PKHD1L1: variants seen among roughly 807,000 people sequenced by gnomAD.
PKHD1L1 encodes the protein PKHD1 like 1.
A neutral mutation model predicts 462.9 loss-of-function variants in PKHD1L1; 434 were observed. The observed-to-expected ratio is 0.94, with a 90% CI of 0.87 to 1.02. The LOEUF (loss-of-function observed/expected upper bound fraction) is 1.02. Among genes scored for constraint, PKHD1L1 ranks in the 50% least tolerant of loss-of-function variants. PKHD1L1 has a pLI of 0.00. For synonymous variants in PKHD1L1, 1,781 were observed against 1,750.0 expected (o/e 1.02, Z -0.44); for missense variants, 5,202 against 5,096.1 (o/e 1.02, Z -0.63).
rs1326016634 is a variant in PKHD1L1 at position 109,457,169 on chromosome 8, AC to A, written c.7004+779del. The stretch of plus-strand genomic sequence containing the variant: ...GGAAATGAACAGTGATTTATAAGAA[AC>A]AGCTAAATTGTGTTAAGGCCATGAT... On this transcript the variant is annotated intron_variant, in intron 46 of 77. Transcript: ENST00000378402. Among the ~76,000 whole-genome samples the A allele has an allele frequency of 5.9e-5, 9 of 152,278 alleles. No individual in the cohort carries two copies. The Middle Eastern group carries it at 0.017, about 288-fold the overall frequency.
intron 68 of PKHD1L1, among the ~76,000 whole-genome samples, chr8:109,506,026 T>TG (rs1300030168): frequency 1.3e-5 from 2 of 152,194 alleles, no homozygotes; most frequent in African/African-American, 2.4e-5. Context: ...ATTCAGTGTT[T>TG]GGGGGGTCAA....
intron 55 of PKHD1L1, 119 bp from the exon 56 acceptor site, chr8:109,481,314 A>G: frequency 1.1e-6 from 1 of 892,708 alleles, no homozygotes. Context: ...GCTGTTCTTT[A>G]TATAACAAAA....
intron 39 of PKHD1L1, 59 bp from the exon 40 acceptor site, chr8:109,449,279 A>T: frequency 6.8e-7 from 1 of 1,466,510 alleles, no homozygotes; most frequent in Non-Finnish European, 9.1e-7. Flanking sequence ...AAAAATATGT[A>T]CACAGAAGAA....
intron 76 of PKHD1L1, among the ~76,000 whole-genome samples, chr8:109,525,368 G>A (rs2131040921): frequency 6.6e-6 from 1 of 152,304 alleles, no homozygotes. Flanking sequence ...AGCGTCCTAT[G>A]TAATGTTTAG....
At chr8:109,437,001 T>C (rs1388161480) in intron 30 of PKHD1L1, among the ~76,000 whole-genome samples, 5 of 152,300 alleles carry the variant, frequency 3.3e-5, no homozygotes, top group Admixed American at 1.3e-4. Flanking sequence ...CTGCAACCTC[T>C]GCCTCCCGGG....
At chr8:109,390,030 A>G (rs1421981137) in intron 8 of PKHD1L1, among the ~76,000 whole-genome samples, 1 of 152,014 alleles carries the variant, frequency 6.6e-6, no homozygotes, top group Non-Finnish European at 1.5e-5. Context: ...GCTCTTGGCT[A>G]ATGTTTCCTT....
intron 23 of PKHD1L1, among the ~76,000 whole-genome samples, chr8:109,424,410 G>A (rs1814631299): frequency 6.6e-6 from 1 of 152,060 alleles, no homozygotes. Context: ...GAACATTCTT[G>A]CTTATGTCTT....
chr8:109,444,577 ATT>A (rs1816008282), intron 37 of PKHD1L1, 82 bp from the exon 38 acceptor site: 5 of 1,277,610 alleles, frequency 3.9e-6, no homozygotes, highest in Non-Finnish European at 5.4e-6. Flanking sequence ...AACTTTTAAA[ATT>A]TGTAGTTGTT....
chr8:109,375,685 G>T (rs1406394237), intron 2 of PKHD1L1, among the ~76,000 whole-genome samples: 1 of 152,068 alleles, frequency 6.6e-6, no homozygotes. Context: ...TTTTGGTGTG[G>T]ATGTCCTTTC....
intron 9 of PKHD1L1, among the ~76,000 whole-genome samples, chr8:109,393,210 C>A (rs1022647880): frequency 1.2e-4 from 18 of 151,412 alleles, no homozygotes; most frequent in Admixed American, 4.6e-4. Context: ...TTTCCAGAGA[C>A]TCTTTAGTCT....
intron 67 of PKHD1L1, among the ~76,000 whole-genome samples, chr8:109,500,564 C>T (rs1417868899): frequency 1.4e-5 from 2 of 142,100 alleles, no homozygotes; most frequent in Admixed American, 1.5e-4. Context: ...ATCCCAGCTA[C>T]TTGTAAGGCT....
Position 109,413,547 on chromosome 8 carries a change from T to C in PKHD1L1, c.2360+2T>C. 6.6e-7 allele frequency: 1 copy of C among 1,508,220 alleles called. No homozygotes were observed. The highest frequency in any genetic ancestry group is 8.9e-7 in the Non-Finnish European group (1 of 1,127,820). 93.4% of individuals were successfully genotyped at this position (1,508,220 alleles called of 1,614,324 possible). A position where few individuals can be genotyped will look rare whatever the true frequency, so the allele number is the denominator to read the frequency against. ...ATACAACTTTGCTTATGGAAACAAG[T>C]AAGTTACGCTATGAATTTGAAAATT... On this transcript the variant is annotated splice_donor_variant, in intron 21 of 77. Transcript: ENST00000378402. LOFTEE classifies it high-confidence loss of function.
At position 109,383,947 on chromosome 8, in the gene PKHD1L1, T is replaced by A. The variant is rs1312262196; in HGVS notation, c.418-123T>A. 1.0e-4 allele frequency: 75 copies of A among 732,456 alleles called. No homozygotes were observed. The South Asian group carries it at 1.2e-3, about 11-fold the overall frequency. 45.4% of individuals were successfully genotyped at this position (732,456 alleles called of 1,614,324 possible). ...AGGTTCATCTTATTTAAATATCTTC[T>A]TTCCTACATGACAGTTACATTATGA... On this transcript the variant is annotated intron_variant, in intron 4 of 77. Transcript: ENST00000378402.
intron 3 of PKHD1L1, among the ~76,000 whole-genome samples, chr8:109,382,122 A>G (rs7017016): frequency 0.55 from 83,954 of 151,860 alleles, 23,334 homozygotes; most frequent in South Asian, 0.65. Flanking sequence ...TTTTTAGGAA[A>G]CAAAGCATGG....
chr8:109,431,695 GAGT>G (rs1224620236), intron 27 of PKHD1L1, among the ~76,000 whole-genome samples: 1 of 152,128 alleles, frequency 6.6e-6, no homozygotes, highest in Non-Finnish European at 1.5e-5. Context: ...AGTATTTCAT[GAGT>G]ACACCAACTT....
intron 32 of PKHD1L1, among the ~76,000 whole-genome samples, 192 bp downstream of exon 32, chr8:109,439,284 A>G (rs796237713): frequency 2.0e-5 from 3 of 152,286 alleles, no homozygotes; most frequent in African/African-American, 7.2e-5. Context: ...GACCAATACC[A>G]TTCAGATCAG....
rs1165016091 is a variant in PKHD1L1, at chr8:109,477,205, C to G, written c.8918-20C>G. 1.2e-6 allele frequency: 2 copies of G among 1,611,816 alleles called. No individual in the cohort carries two copies. The highest frequency in any genetic ancestry group is 1.7e-6 in the Non-Finnish European group (2 of 1,179,160). ...CTTTGGTCACTATGTTCATTTAACC[C>G]ACTTTTACTTCACTTTCAGTGTCAG... On this transcript the variant is annotated intron_variant, in intron 52 of 77. Coordinates refer to ENST00000378402, the MANE Select transcript of PKHD1L1 (RefSeq NM_177531.6).
intron 62 of PKHD1L1, 82 bp from the exon 63 acceptor site, chr8:109,493,579 T>A: frequency 2.6e-6 from 2 of 761,662 alleles, no homozygotes; most frequent in Non-Finnish European, 4.0e-6. Context: ...TTTTCATAAG[T>A]GTATTGTCAT....
In PKHD1L1 at chr8:109,535,332, C is replaced by T. The variant is rs757691522; in HGVS notation, c.*5242C>T. On this transcript the variant is annotated 3_prime_UTR_variant, in exon 78 of 78. Coordinates refer to ENST00000378402, the MANE Select transcript of PKHD1L1 (RefSeq NM_177531.6). ...GCAGATGATCCTTTATATATGTAAA[C>T]GCTATAAATTCTTAGGAAGAAAATA... Among the ~76,000 whole-genome samples, 16 of 152,130 alleles carry T rather than the reference C, an allele frequency of 1.1e-4. 1 individual carries two copies. The highest frequency in any genetic ancestry group is 3.9e-4 in the Admixed American group (6 of 15,282).
Sources: allele counts gnomAD v4.1 joint callset (sites outside exome capture counted in the v4.1 genomes callset), GRCh38; gene constraint gnomAD v4.1.1; transcripts MANE v1.5; gene names NCBI Gene and HGNC (gene_info 2026-07-23, HGNC 2026-07-21).